Variants in WASF2 observed in about 807,000 individuals in gnomAD.
The protein encoded by WASF2 is actin-binding protein WASF2.
In WASF2, 14 loss-of-function variants were observed where a neutral mutation model predicts 45.0. The ratio of observed to expected loss-of-function variants is 0.31; its 90% confidence interval spans 0.21 to 0.49. The LOEUF (loss-of-function observed/expected upper bound fraction) is 0.49. WASF2 is among the 20% of genes least tolerant of loss of function. WASF2 has a pLI of 0.99. For missense variants in WASF2, 439 were observed against 636.1 expected (o/e 0.69, Z 3.33); for synonymous variants, 200 against 236.3 (o/e 0.85, Z 1.41).
chr1:27,415,206 C>T (rs1477477310), intron 5 of WASF2, among the ~76,000 whole-genome samples: 1 of 152,226 alleles, frequency 6.6e-6, no homozygotes, highest in Non-Finnish European at 1.5e-5. Flanking sequence ...AACCCCACTT[C>T]CTCTTTGGAT....
At position 27,408,141 on chromosome 1, in the gene WASF2, G is replaced by A; in HGVS notation, c.*48C>T. On this transcript the variant is annotated 3_prime_UTR_variant, in exon 9 of 9. Transcript: ENST00000618852. ...GTCTGTTGGGGTTGGCATCAAAGAAGGCAGGTAGGAAGGAAAGAAAAAGAA... is the reference window on the plus strand; with the variant it reads ...GTCTGTTGGGGTTGGCATCAAAGAAAGCAGGTAGGAAGGAAAGAAAAAGAA... 1 of 1,590,936 alleles carries A rather than the reference G, an allele frequency of 6.3e-7. No individual in the cohort carries two copies. Among genetic ancestry groups the A allele is most frequent in the South Asian group, 1.1e-5 (1 of 88,220 alleles).
chr1:27,440,722 G>T (rs993052654), intron 1 of WASF2, among the ~76,000 whole-genome samples: 1 of 152,050 alleles, frequency 6.6e-6, no homozygotes, highest in African/African-American at 2.4e-5. Context: ...AGGTGGACAC[G>T]GTGGTCTTTA....
At chr1:27,472,282 G>A (rs541981316) in intron 1 of WASF2, among the ~76,000 whole-genome samples, 1 of 147,802 alleles carries the variant, frequency 6.8e-6, no homozygotes, top group East Asian at 2.0e-4. Context: ...CTGAGACCAC[G>A]CCACTGCACT....
chr1:27,437,841 G>A (rs1204497201), intron 1 of WASF2, among the ~76,000 whole-genome samples: 1 of 151,864 alleles, frequency 6.6e-6, no homozygotes, highest in African/African-American at 2.4e-5. Context: ...ATTTACACAG[G>A]AGTTTAACAT....
At chr1:27,412,875 TG>T in intron 6 of WASF2, 148 bp from the exon 7 acceptor site, 1 of 865,060 alleles carries the variant, frequency 1.2e-6, no homozygotes, top group Non-Finnish European at 1.8e-6. Context: ...TCTGTTACAC[TG>T]AAATTTTATT....
At chr1:27,417,976 G>A (rs1308209289) in intron 4 of WASF2, among the ~76,000 whole-genome samples, 1 of 152,164 alleles carries the variant, frequency 6.6e-6, no homozygotes, top group Non-Finnish European at 1.5e-5. Flanking sequence ...TTCCTTGGAT[G>A]GAATCCAAGA....
At chr1:27,408,503 A>G (rs2016711525) in intron 8 of WASF2, among the ~76,000 whole-genome samples, 157 bp from the exon 9 acceptor site, 1 of 152,236 alleles carries the variant, frequency 6.6e-6, no homozygotes, top group South Asian at 2.1e-4. Context: ...AGATGAGTTT[A>G]TGAAATTGAT....
At chr1:27,425,814 G>C (rs2016971776) in intron 2 of WASF2, among the ~76,000 whole-genome samples, 1 of 138,126 alleles carries the variant, frequency 7.2e-6, no homozygotes, top group Non-Finnish European at 1.5e-5. Flanking sequence ...ACTCCAGCCT[G>C]GGCAACAGAG....
intron 6 of WASF2, among the ~76,000 whole-genome samples, chr1:27,413,502 G>A (rs2016791960): frequency 6.6e-6 from 1 of 152,124 alleles, no homozygotes; most frequent in Admixed American, 6.6e-5. Context: ...CAGACCTCAG[G>A]GAGAACAGAG....
chr1:27,410,260 A>G lies in WASF2; in HGVS notation c.825-54T>C. ...CATCACCCTTAGAATGCAGACACCT[A>G]TCTACAGTTAGCCTTGTCTACAGAC... On this transcript the variant is annotated intron_variant, in intron 7 of 8. Coordinates refer to ENST00000618852, the MANE Select transcript of WASF2 (RefSeq NM_006990.5). This position sits in a 1 kb window ranked among gnomAD's most constrained non-coding sequence, Gnocchi z 4.2. The G allele has an allele frequency of 6.2e-7, 1 of 1,602,456 alleles. No homozygotes were observed. The highest frequency in any genetic ancestry group is 1.7e-5 in the Admixed American group (1 of 58,990).
chr1:27,477,908 A>T (rs2017788962), intron 1 of WASF2, among the ~76,000 whole-genome samples: 1 of 100,334 alleles, frequency 1.0e-5, no homozygotes, highest in Non-Finnish European at 1.8e-5. Flanking sequence ...CAAAAAAAAA[A>T]AATAAATAAA....
chr1:27,413,501 G>A (rs1380879931), intron 6 of WASF2, among the ~76,000 whole-genome samples: 2 of 152,148 alleles, frequency 1.3e-5, no homozygotes, highest in Non-Finnish European at 2.9e-5. Flanking sequence ...ACAGACCTCA[G>A]GGAGAACAGA....
At position 27,409,710 on chromosome 1, in the gene WASF2, G is replaced by A; in HGVS notation, c.1321C>T (p.Leu441Phe). ...PAVSDARSDL[L>F]SAIRQGFQLR... ...AATTTACCTTGACGGATGGCTGAAAGCAGGTCGCTACGGGCATCGCTCACG... is the reference window on the plus strand; with the variant it reads ...AATTTACCTTGACGGATGGCTGAAAACAGGTCGCTACGGGCATCGCTCACG... Residue 441 changes from leucine to phenylalanine, a missense_variant, in exon 8 of 9, where the codon CTT becomes TTT. Physicochemically the swap from Leu to Phe is conservative, Grantham distance 22. Coordinates refer to ENST00000618852, the MANE Select transcript of WASF2 (RefSeq NM_006990.5). 1 of 1,501,232 alleles carries A rather than the reference G, an allele frequency of 6.7e-7. No individual in the cohort carries two copies. The highest frequency in any genetic ancestry group is 8.9e-7 in the Non-Finnish European group (1 of 1,125,046). 93.0% of individuals were successfully genotyped at this position (1,501,232 alleles called of 1,614,324 possible). A position where few individuals can be genotyped will look rare whatever the true frequency, so the allele number is the denominator to read the frequency against.
At chr1:27,446,571 A>C (rs2017312123) in intron 1 of WASF2, among the ~76,000 whole-genome samples, 1 of 152,168 alleles carries the variant, frequency 6.6e-6, no homozygotes, top group African/African-American at 2.4e-5. Flanking sequence ...ACTTGAGCCC[A>C]GGAGTTGGAG....
At chr1:27,482,855 T>C (rs2017871022) in intron 1 of WASF2, among the ~76,000 whole-genome samples, 1 of 152,124 alleles carries the variant, frequency 6.6e-6, no homozygotes, top group Admixed American at 6.6e-5. Context: ...CTACCCCTAT[T>C]GATACAGTAG....
chr1:27,447,910 C>G (rs2017331465), intron 1 of WASF2, among the ~76,000 whole-genome samples: 2 of 152,150 alleles, frequency 1.3e-5, no homozygotes. Flanking sequence ...TGCCTACTGA[C>G]CTAAAATTGC....
chr1:27,425,570 G>A (rs750158090), intron 2 of WASF2, among the ~76,000 whole-genome samples: 2 of 152,184 alleles, frequency 1.3e-5, no homozygotes, highest in African/African-American at 4.8e-5. Flanking sequence ...CAGGCGCAGT[G>A]GCTCACGCTT....
In WASF2 at chr1:27,419,489, C is replaced by T. The variant is rs114949298; in HGVS notation, c.131-401G>A. Among the ~76,000 whole-genome samples the T allele has an allele frequency of 4.0e-3, 614 of 152,314 alleles. 10 individuals carry two copies. Among genetic ancestry groups the T allele is most frequent in the Non-Finnish European group, 5.5e-3 (375 of 68,026 alleles). ...AATTAGACAGGCGTGCTGGCAGGCA[C>T]CTATAATCCCAGCTACTGGGGAGGT... On this transcript the variant is annotated intron_variant, in intron 2 of 8. Coordinates refer to ENST00000618852, the MANE Select transcript of WASF2 (RefSeq NM_006990.5).
chr1:27,484,344 C>T (rs1057335858), intron 1 of WASF2, among the ~76,000 whole-genome samples: 1 of 152,114 alleles, frequency 6.6e-6, no homozygotes, highest in African/African-American at 2.4e-5. Flanking sequence ...ATTCATATGG[C>T]TGGTAAACAG....
Sources: gnomAD v4.1 joint callset for allele counts (sites outside exome capture counted in the v4.1 genomes callset) on GRCh38, gnomAD v4.1.1 for gene constraint, Gnocchi (gnomAD v3.1) non-coding constraint, MANE v1.5 for transcripts, NCBI Gene and HGNC (gene_info 2026-07-23, HGNC 2026-07-21) for gene names.